Variants in ZCCHC7 observed in about 807,000 individuals in gnomAD.
The protein encoded by ZCCHC7 is zinc finger CCHC-type containing 7, also known as zinc finger CCHC domain-containing protein 7.
In ZCCHC7, 35 loss-of-function variants were observed where a neutral mutation model predicts 52.0. That is an observed-to-expected ratio of 0.67 (90% CI 0.51 to 0.89). The LOEUF (loss-of-function observed/expected upper bound fraction) is 0.89. ZCCHC7 is among the 40% of genes least tolerant of loss of function. The pLI is 0.00. For missense variants in ZCCHC7, 574 were observed against 649.1 expected (o/e 0.88, Z 1.26); for synonymous variants, 217 against 221.5 (o/e 0.98, Z 0.18).
Position 37,178,611 on chromosome 9 carries a change from G to A in ZCCHC7, c.610+51669G>A, listed in dbSNP as rs187904019. Among the ~76,000 whole-genome samples, 187 of 152,244 alleles carry A rather than the reference G, an allele frequency of 1.2e-3. 1 individual carries two copies. The highest frequency in any genetic ancestry group is 0.01 in the Middle Eastern group (3 of 294). ...AGTTATGATATAAAAGATTTAACGC[G>A]GTGTTGGTACATGTTGTTGGAATAA... On this transcript the variant is annotated intron_variant, in intron 2 of 8. Transcript: ENST00000336755.
intron 2 of ZCCHC7, among the ~76,000 whole-genome samples, chr9:37,225,633 C>T (rs888016373): frequency 1.3e-5 from 2 of 152,026 alleles, no homozygotes; most frequent in Admixed American, 6.6e-5. Flanking sequence ...GTTGGTTTAA[C>T]GTGAAAATTA....
At chr9:37,160,894 A>C (rs116428076) in intron 2 of ZCCHC7, among the ~76,000 whole-genome samples, 8,197 of 152,060 alleles carry the variant, frequency 0.054, 714 homozygotes, top group African/African-American at 0.19. Flanking sequence ...CTCAAAAAAA[A>C]CCAAAAAACT....
chr9:37,318,250 TCAAGAGTTCGAGATCAGC>T (rs1385259945), intron 5 of ZCCHC7, among the ~76,000 whole-genome samples: 15 of 151,810 alleles, frequency 9.9e-5, no homozygotes, highest in Admixed American at 9.9e-4. Flanking sequence ...TCACCTGAGG[TCAAGAGTTCGAGATCAGC>T]CTGGACAACA....
At chr9:37,136,734 C>G (rs1191268065) in intron 2 of ZCCHC7, among the ~76,000 whole-genome samples, 1 of 152,156 alleles carries the variant, frequency 6.6e-6, no homozygotes, top group African/African-American at 2.4e-5. Context: ...CCTCAGCCTC[C>G]CAAAGTGCTG....
At chr9:37,224,372 A>G (rs947918357) in intron 2 of ZCCHC7, among the ~76,000 whole-genome samples, 1 of 152,154 alleles carries the variant, frequency 6.6e-6, no homozygotes, top group Non-Finnish European at 1.5e-5. Flanking sequence ...GATTCAGGTC[A>G]TGTGTGTATA....
chr9:37,254,837 C>CTTTTTTCTT (rs1826499861), intron 2 of ZCCHC7, among the ~76,000 whole-genome samples: 2 of 93,462 alleles, frequency 2.1e-5, no homozygotes, highest in South Asian at 4.0e-4. Flanking sequence ...CAAAAAGTTT[C>CTTTTTTCTT]TTTTTTTTTT....
chr9:37,123,496 C>G (rs1312812767), intron 1 of ZCCHC7, among the ~76,000 whole-genome samples: 3 of 152,098 alleles, frequency 2.0e-5, no homozygotes, highest in African/African-American at 7.2e-5. Context: ...GAGATAAATC[C>G]TTTGACCCAA....
intron 2 of ZCCHC7, among the ~76,000 whole-genome samples, chr9:37,227,133 C>T (rs1004627090): frequency 9.9e-5 from 15 of 151,340 alleles, no homozygotes; most frequent in African/African-American, 3.2e-4. Context: ...AAAATTTGGA[C>T]TTAATCAAAA....
At chr9:37,312,146 G>A (rs79446513) in intron 5 of ZCCHC7, among the ~76,000 whole-genome samples, 7,733 of 152,212 alleles carry the variant, frequency 0.051, 644 homozygotes, top group African/African-American at 0.17. Context: ...AATAAGAATG[G>A]CTGAAACATA....
chr9:37,256,798 A>G (rs535716194), intron 2 of ZCCHC7, among the ~76,000 whole-genome samples: 2 of 152,230 alleles, frequency 1.3e-5, no homozygotes, highest in South Asian at 2.1e-4. Flanking sequence ...TTAGGAAACT[A>G]TCACCTGTTA....
chr9:37,229,752 T>A (rs1050441972), intron 2 of ZCCHC7, among the ~76,000 whole-genome samples: 27 of 152,304 alleles, frequency 1.8e-4, no homozygotes, highest in African/African-American at 6.5e-4. Flanking sequence ...ATTTATTAAC[T>A]TTTTTCTTTA....
rs769505853 is a variant in ZCCHC7, at chr9:37,126,772, G to A, written c.440G>A (p.Gly147Asp). ...IEKPKSEERS[G>D]VIREVMIIEV... The stretch of plus-strand genomic sequence containing the variant: ...AAGCCTAAATCTGAAGAGAGATCAG[G>A]TGTAATCCGAGAGGTCATGATTATA... Residue 147 changes from glycine to aspartate, a missense_variant, in exon 2 of 9, where the codon GGT becomes GAT. By Grantham distance (94) the Gly-to-Asp change is moderately conservative (BLOSUM62 -1). Around this residue, in one of 3 missense-constraint regions of ZCCHC7, gnomAD observed 403 missense variants for 461.2 expected, o/e 0.87. Coordinates refer to ENST00000336755, the MANE Select transcript of ZCCHC7 (RefSeq NM_032226.3). 3.1e-6 allele frequency: 5 copies of A among 1,614,060 alleles called. No individual in the cohort carries two copies. The highest frequency in any genetic ancestry group is 4.2e-6 in the Non-Finnish European group (5 of 1,180,040).
intron 2 of ZCCHC7, among the ~76,000 whole-genome samples, chr9:37,249,043 T>C (rs892447725): frequency 2.0e-5 from 3 of 152,230 alleles, no homozygotes; most frequent in East Asian, 3.8e-4. Context: ...TTATAGAACA[T>C]TGTCTTCCCA....
At chr9:37,281,809 T>C (rs1372928724) in intron 2 of ZCCHC7, among the ~76,000 whole-genome samples, 3 of 152,228 alleles carry the variant, frequency 2.0e-5, no homozygotes, top group Non-Finnish European at 4.4e-5. Context: ...TGGCAGGTTT[T>C]ATTTCCTAGG....
Position 37,126,467 on chromosome 9 carries a change from T to C in ZCCHC7, c.135T>C (p.Leu45=), listed in dbSNP as rs1330324180. ...LYSQIHYAQD[L]DDVIREEEHE... is the part of the protein sequence containing the mutation. Reference sequence around the variant, plus strand: ...GCCAAATTCATTATGCCCAAGATCTTGATGATGTCATCAGGGAGGAAGAGC... The same window carrying C: ...GCCAAATTCATTATGCCCAAGATCTCGATGATGTCATCAGGGAGGAAGAGC... The change falls in exon 2 of 9, where the codon CTT becomes CTC. Residue 45 remains leucine (L), a synonymous_variant. Coordinates refer to ENST00000336755, the MANE Select transcript of ZCCHC7 (RefSeq NM_032226.3). 6.2e-7 allele frequency: 1 copy of C among 1,613,766 alleles called. No individual in the cohort carries two copies. The highest frequency in any genetic ancestry group is 8.5e-7 in the Non-Finnish European group (1 of 1,180,028).
chr9:37,357,819 C>T lies in ZCCHC7; in HGVS notation c.*551C>T, dbSNP rs1170574687. On this transcript the variant is annotated 3_prime_UTR_variant, in exon 9 of 9. Coordinates refer to ENST00000336755, the MANE Select transcript of ZCCHC7 (RefSeq NM_032226.3). Reference sequence around the variant, plus strand: ...AAAACAAAAGTGTCATCATTGAAGCCCTGAAGAGGCAGGGAATTGAGCTTC... The same window carrying T: ...AAAACAAAAGTGTCATCATTGAAGCTCTGAAGAGGCAGGGAATTGAGCTTC... 1 of 151,874 alleles carries T rather than the reference C, an allele frequency of 6.6e-6. No homozygotes were observed. The highest frequency in any genetic ancestry group is 2.4e-5 in the African/African-American group (1 of 41,310). 9.4% of individuals were successfully genotyped at this position (151,874 alleles called of 1,614,324 possible). A position where few individuals can be genotyped will look rare whatever the true frequency, so the allele number is the denominator to read the frequency against.
At chr9:37,294,756 G>T (rs1001906856) in intron 2 of ZCCHC7, among the ~76,000 whole-genome samples, 1 of 151,830 alleles carries the variant, frequency 6.6e-6, no homozygotes, top group East Asian at 1.9e-4. Context: ...ATTATTCATA[G>T]TATTCAAGTT....
chr9:37,135,367 T>C (rs1185475700), intron 2 of ZCCHC7, among the ~76,000 whole-genome samples: 1 of 152,226 alleles, frequency 6.6e-6, no homozygotes, highest in African/African-American at 2.4e-5. Flanking sequence ...TGTAATTTTT[T>C]TTATCATTTG....
chr9:37,322,978 A>G (rs1410170382), intron 5 of ZCCHC7, among the ~76,000 whole-genome samples: 6 of 152,164 alleles, frequency 3.9e-5, no homozygotes, highest in Non-Finnish European at 7.4e-5. Flanking sequence ...AGCACTTGCT[A>G]TATGTCAGGC....
Sources: gnomAD v4.1 joint callset for allele counts (sites outside exome capture counted in the v4.1 genomes callset) on GRCh38, gnomAD v4.1.1 for gene constraint, gnomAD v4.1.1 regional missense constraint, MANE v1.5 for transcripts, NCBI Gene and HGNC (gene_info 2026-07-23, HGNC 2026-07-21) for gene names.